TSNAX: variants seen among roughly 807,000 people sequenced by gnomAD.
The protein encoded by TSNAX is translin-associated protein X.
A neutral mutation model predicts 33.0 loss-of-function variants in TSNAX; 12 were observed. The ratio of observed to expected loss-of-function variants is 0.36; its 90% CI spans 0.23 to 0.59. TSNAX has a LOEUF of 0.59. Ranked by LOEUF, TSNAX falls within the 20% of genes least tolerant of loss-of-function variation. TSNAX has a pLI of 0.74. For synonymous variants in TSNAX, 110 were observed against 117.2 expected, an observed-to-expected ratio of 0.94 and a Z score of 0.40; for missense variants, 267 against 341.3, an observed-to-expected ratio of 0.78 and a Z score of 1.72.
At chr1:231,552,401 G>A (rs1257146709) in intron 4 of TSNAX, among the ~76,000 whole-genome samples, 3 of 152,132 alleles carry the variant, frequency 2.0e-5, no homozygotes, top group African/African-American at 4.8e-5. Context: ...CAAAGCTGAG[G>A]CATATAGATA....
At chr1:231,543,081 G>A (rs1659681704) in intron 4 of TSNAX, among the ~76,000 whole-genome samples, 1 of 151,956 alleles carries the variant, frequency 6.6e-6, no homozygotes. Flanking sequence ...CGGAGGCTGA[G>A]GCAGGAGAAT....
chr1:231,531,459 C>T (rs1024235823), intron 2 of TSNAX, among the ~76,000 whole-genome samples: 2 of 152,198 alleles, frequency 1.3e-5, no homozygotes, highest in African/African-American at 4.8e-5. Context: ...AGCATGATTA[C>T]ATTTTATTTG....
At chr1:231,561,041 G>C in intron 4 of TSNAX, 87 bp from the exon 5 acceptor site, 1 of 1,346,464 alleles carries the variant, frequency 7.4e-7, no homozygotes, top group South Asian at 1.3e-5. Flanking sequence ...TTTTGAACTA[G>C]ATGATGATCA....
chr1:231,552,384 T>TA (rs1439920764), intron 4 of TSNAX, among the ~76,000 whole-genome samples: 1 of 152,220 alleles, frequency 6.6e-6, no homozygotes, highest in East Asian at 1.9e-4. Context: ...TAAGCACACA[T>TA]ACTTTACAAA....
chr1:231,560,137 G>A (rs1451714301), intron 4 of TSNAX, among the ~76,000 whole-genome samples: 9 of 149,784 alleles, frequency 6.0e-5, no homozygotes. Context: ...CCGCCACCAC[G>A]CCCGGCTAAG....
intron 4 of TSNAX, among the ~76,000 whole-genome samples, chr1:231,559,125 A>G (rs1489067119): frequency 6.6e-6 from 1 of 152,192 alleles, no homozygotes; most frequent in Non-Finnish European, 1.5e-5. Flanking sequence ...AAAAAATGTT[A>G]GAGAACTTAA....
intron 4 of TSNAX, among the ~76,000 whole-genome samples, chr1:231,546,433 A>G (rs1659916750): frequency 6.6e-6 from 1 of 152,202 alleles, no homozygotes; most frequent in Admixed American, 6.5e-5. Context: ...TTCCAAAGCT[A>G]CTATAGCAGT....
intron 2 of TSNAX, among the ~76,000 whole-genome samples, chr1:231,532,677 T>C (rs1011804607): frequency 2.6e-5 from 4 of 152,050 alleles, no homozygotes; most frequent in African/African-American, 9.7e-5. Flanking sequence ...TACGTGTCAT[T>C]TTGTGATAAT....
At chr1:231,560,693 C>T (rs1194130237) in intron 4 of TSNAX, among the ~76,000 whole-genome samples, 1 of 152,138 alleles carries the variant, frequency 6.6e-6, no homozygotes, top group Non-Finnish European at 1.5e-5. Flanking sequence ...GCTGGGATTA[C>T]AGGCGTGAGC....
At chr1:231,544,411 A>G (rs1009301383) in intron 4 of TSNAX, among the ~76,000 whole-genome samples, 1 of 152,236 alleles carries the variant, frequency 6.6e-6, no homozygotes, top group Non-Finnish European at 1.5e-5. Flanking sequence ...AGCTGATCAC[A>G]GTAGTTCTCA....
chr1:231,554,678 G>C (rs1660575689), intron 4 of TSNAX: 1 of 152,122 alleles, frequency 6.6e-6, no homozygotes, highest in Non-Finnish European at 1.5e-5. Flanking sequence ...AATCATGAAA[G>C]TATATAGTGT....
intron 4 of TSNAX, among the ~76,000 whole-genome samples, chr1:231,543,248 G>A (rs551504974): frequency 6.6e-6 from 1 of 151,726 alleles, no homozygotes; most frequent in Non-Finnish European, 1.5e-5. Context: ...TTGAATAAAT[G>A]TATAAAGTGC....
At chr1:231,536,343 T>C (rs1659170363) in intron 2 of TSNAX, 1 of 152,230 alleles carries the variant, frequency 6.6e-6, no homozygotes, top group Admixed American at 6.5e-5. Context: ...AATTTGAGAT[T>C]ATGTACTTTC....
chr1:231,562,008 C>T (rs567381515), intron 5 of TSNAX, among the ~76,000 whole-genome samples: 8 of 152,126 alleles, frequency 5.3e-5, no homozygotes, highest in Non-Finnish European at 8.8e-5. Context: ...AAAAACTTTG[C>T]AGTTTGACTT....
Position 231,550,328 on chromosome 1 carries a change from G to T in TSNAX, c.367+7717G>T, listed in dbSNP as rs548873823. On this transcript the variant is annotated intron_variant, in intron 4 of 5. Transcript: ENST00000366639. ...TGGGGAGTTGCTTTTAAGTCCAGGGGTGGGTGGGGGTGTTGTGTTGTGCAG... is the reference window on the plus strand; with the variant it reads ...TGGGGAGTTGCTTTTAAGTCCAGGGTTGGGTGGGGGTGTTGTGTTGTGCAG... Among the ~76,000 whole-genome samples the T allele has an allele frequency of 1.9e-3, 288 of 152,224 alleles. 1 individual carries two copies. Among genetic ancestry groups the T allele is most frequent in the African/African-American group, 6.5e-3 (271 of 41,532 alleles).
At chr1:231,552,701 G>A (rs961950724) in intron 4 of TSNAX, among the ~76,000 whole-genome samples, 1 of 152,046 alleles carries the variant, frequency 6.6e-6, no homozygotes, top group African/African-American at 2.4e-5. Flanking sequence ...ATTTCATCAC[G>A]CTCAAAAGAA....
chr1:231,529,726 A>G (rs1658532014), intron 2 of TSNAX, among the ~76,000 whole-genome samples: 1 of 152,216 alleles, frequency 6.6e-6, no homozygotes, highest in African/African-American at 2.4e-5. Context: ...CAGGGACGGT[A>G]TCTTTGTTTT....
intron 2 of TSNAX, among the ~76,000 whole-genome samples, chr1:231,530,781 G>T (rs1436968680): frequency 2.0e-5 from 3 of 151,466 alleles, no homozygotes; most frequent in African/African-American, 7.3e-5. Context: ...CCAGCTACTC[G>T]GGAGGCTGAG....
intron 3 of TSNAX, among the ~76,000 whole-genome samples, chr1:231,539,792 A>T (rs1659438249): frequency 6.6e-6 from 1 of 152,228 alleles, no homozygotes; most frequent in Non-Finnish European, 1.5e-5. Flanking sequence ...TACAGTTTTG[A>T]CTAGTAAACT....
Sources: gnomAD v4.1 joint callset for allele counts (sites outside exome capture counted in the v4.1 genomes callset) on GRCh38, gnomAD v4.1.1 for gene constraint, MANE v1.5 for transcripts, NCBI Gene and HGNC (gene_info 2026-07-23, HGNC 2026-07-21) for gene names.